The following INPP5A variants were observed in gnomAD, a reference collection of about 807,000 sequenced individuals.
INPP5A encodes 43 kDa inositol polyphosphate 5-phophatase.
INPP5A carries 14 observed loss-of-function variants against 65.2 expected under a neutral mutation model. That is an observed-to-expected ratio of 0.21 (90% CI 0.14 to 0.34). The LOEUF (loss-of-function observed/expected upper bound fraction) is 0.34, where lower values mean the gene tolerates loss of function less well. Among genes scored for constraint, INPP5A ranks in the 10% least tolerant of loss-of-function variants. INPP5A has a pLI of 1.00. For missense variants in INPP5A, 431 were observed against 545.6 expected (o/e 0.79, Z 2.09); for synonymous variants, 207 against 208.3 (o/e 0.99, Z 0.05).
chr10:132,548,400 G>A (rs2071006318), intron 1 of INPP5A, among the ~76,000 whole-genome samples: 1 of 152,144 alleles, frequency 6.6e-6, no homozygotes, highest in Non-Finnish European at 1.5e-5. Flanking sequence ...CCGGTGGCCC[G>A]GGAGTCGACT....
At chr10:132,657,580 C>A (rs555657386) in intron 4 of INPP5A, among the ~76,000 whole-genome samples, 166 of 151,340 alleles carry the variant, frequency 1.1e-3, no homozygotes, top group African/African-American at 3.8e-3. Context: ...CAGTACCCAG[C>A]GGTGGCCCAG....
intron 5 of INPP5A, among the ~76,000 whole-genome samples, chr10:132,693,234 A>G (rs1046379630): frequency 2.0e-5 from 3 of 152,250 alleles, no homozygotes; most frequent in Non-Finnish European, 4.4e-5. Flanking sequence ...CAGAGAAGGC[A>G]GATAAAGAAT....
intron 1 of INPP5A, among the ~76,000 whole-genome samples, chr10:132,561,676 G>C (rs777899744): frequency 7.9e-5 from 12 of 151,290 alleles, no homozygotes; most frequent in Non-Finnish European, 1.5e-4. Context: ...GACTATTCTG[G>C]TGTCCTTCCA....
chr10:132,773,017 G>A lies in INPP5A; in HGVS notation c.978-4654G>A, dbSNP rs540105922. On this transcript the variant is annotated intron_variant, in intron 12 of 15. Transcript: ENST00000368594. ...GCCGGGTTGCACAGGTGGAGAGGAC[G>A]CCCTGGGACTCCACAGGGTGCTGTT... 5.9e-5 allele frequency among the ~76,000 whole-genome samples: 9 copies of A among 152,356 alleles called. No homozygotes were observed. The South Asian group carries it at 1.2e-3, about 21-fold the overall frequency.
At position 132,556,468 on chromosome 10, in the gene INPP5A, TCA is replaced by T. The variant is rs370729874; in HGVS notation, c.75+18303_75+18304del. On this transcript the variant is annotated intron_variant, in intron 1 of 15. Transcript: ENST00000368594. ...CCAAGTTTCTGTACACACATGCACATCACACACTTGCACACCACAGGCACACA... is the reference window on the plus strand; with the variant it reads ...CCAAGTTTCTGTACACACATGCACATCACACTTGCACACCACAGGCACACA... Among the ~76,000 whole-genome samples, 23 of 152,242 alleles carry T rather than the reference TCA, an allele frequency of 1.5e-4. No homozygotes were observed. In the East Asian group the frequency reaches 4.3e-3, roughly 28 times the overall value.
At chr10:132,751,869 ATGGAGGCGGGTGCCTAGGAGGTGTCTGGG>A (rs747765681) in intron 11 of INPP5A, among the ~76,000 whole-genome samples, 19,461 of 58,730 alleles carry the variant, frequency 0.33, 1,861 homozygotes, top group Non-Finnish European at 0.39. Flanking sequence ...AGGTCTCTGG[ATGGAGGCGGGTGCCTAGGAGGTGTCTGGG>A]TGGAGGCGGG....
chr10:132,717,445 G>T (rs921385955), intron 8 of INPP5A, among the ~76,000 whole-genome samples: 2 of 151,552 alleles, frequency 1.3e-5, no homozygotes, highest in Non-Finnish European at 2.9e-5. Context: ...CACTTTGGGG[G>T]CTCTGCTAGC....
chr10:132,635,419 G>A (rs1403957778), intron 2 of INPP5A, among the ~76,000 whole-genome samples: 10 of 3,502 alleles, frequency 2.9e-3, no homozygotes, highest in African/African-American at 0.01. Context: ...TTTTTGAGAC[G>A]GAGTCTCGCT....
intron 1 of INPP5A, among the ~76,000 whole-genome samples, chr10:132,539,680 G>GCTCC (rs538466893): frequency 0.013 from 1,987 of 151,442 alleles, 36 homozygotes; most frequent in African/African-American, 0.044. Flanking sequence ...AGCCACGGAC[G>GCTCC]CTCCCTCCCT....
intron 8 of INPP5A, among the ~76,000 whole-genome samples, chr10:132,726,369 C>T (rs1443118227): frequency 6.6e-6 from 1 of 152,228 alleles, no homozygotes; most frequent in African/African-American, 2.4e-5. Context: ...CCATCTCCCT[C>T]CCGCTGTCGG....
intron 1 of INPP5A, among the ~76,000 whole-genome samples, chr10:132,578,199 C>A (rs1440378779): frequency 6.6e-6 from 1 of 152,092 alleles, no homozygotes; most frequent in Non-Finnish European, 1.5e-5. Context: ...AAAAATGAAC[C>A]CTCTCCTTTT....
chr10:132,641,556 C>T (rs546181358), intron 2 of INPP5A, among the ~76,000 whole-genome samples: 1 of 152,312 alleles, frequency 6.6e-6, no homozygotes, highest in East Asian at 1.9e-4. Flanking sequence ...TTTTCTGAGC[C>T]CAGTCTTTCA....
In INPP5A at chr10:132,581,697, T is replaced by C. The variant is rs2071486245; in HGVS notation, c.76-26218T>C. Among the ~76,000 whole-genome samples the C allele has an allele frequency of 2.0e-5, 3 of 152,364 alleles. No individual in the cohort carries two copies. The South Asian group carries it at 6.2e-4, about 32-fold the overall frequency. ...ATTCATGTATTTCTTTTGCAAAGTG[T>C]CTGTTCATATCTTTTGCCCATTTTT... On this transcript the variant is annotated intron_variant, in intron 1 of 15. Transcript: ENST00000368594.
rs2072581744 is a variant in INPP5A, at chr10:132,651,904, A to T, written c.306+1399A>T. Reference sequence around the variant, plus strand: ...CGCCCTGTCAAGCAGCTGCCCACACACAAGCGGCCTCTCCTCACGCTCTGT... The same window carrying T: ...CGCCCTGTCAAGCAGCTGCCCACACTCAAGCGGCCTCTCCTCACGCTCTGT... On this transcript the variant is annotated intron_variant, in intron 4 of 15. Transcript: ENST00000368594. This position sits in a 1 kb window ranked among gnomAD's most constrained non-coding sequence, Gnocchi z 5.0. Among the ~76,000 whole-genome samples, 1 of 152,154 alleles carries T rather than the reference A, an allele frequency of 6.6e-6. No individual in the cohort carries two copies. Among genetic ancestry groups the T allele is most frequent in the African/African-American group, 2.4e-5 (1 of 41,438 alleles).
chr10:132,654,328 C>T (rs1314546634), intron 4 of INPP5A, among the ~76,000 whole-genome samples: 1 of 152,236 alleles, frequency 6.6e-6, no homozygotes, highest in Non-Finnish European at 1.5e-5. Context: ...TGGTGGAGGG[C>T]AGCCTTGCCT....
At chr10:132,781,812 T>C (rs1847166919) in intron 14 of INPP5A, 49 bp from the exon 15 acceptor site, 1 of 1,474,882 alleles carries the variant, frequency 6.8e-7, no homozygotes, top group Non-Finnish European at 9.5e-7. Flanking sequence ...GCATGTGCTG[T>C]GCTGTCCCGC....
chr10:132,710,778 G>A (rs563756371), intron 8 of INPP5A, among the ~76,000 whole-genome samples: 2 of 144,058 alleles, frequency 1.4e-5, no homozygotes, highest in East Asian at 4.0e-4. Flanking sequence ...GGAGAGGTAG[G>A]TGTGCTGGGC....
rs185001176 is a variant in INPP5A at position 132,637,954 on chromosome 10, G to A, written c.118-7914G>A. 3.9e-5 allele frequency among the ~76,000 whole-genome samples: 6 copies of A among 152,064 alleles called. No individual in the cohort carries two copies. The highest frequency in any genetic ancestry group is 3.9e-4 in the Admixed American group (6 of 15,278). ...AGGGACTTCCTTTTGCTCATCTTTA[G>A]TGGGAGTATGGGGTTTGCAAGATTC... On this transcript the variant is annotated intron_variant, in intron 2 of 15. Coordinates refer to ENST00000368594, the MANE Select transcript of INPP5A (RefSeq NM_005539.5). The surrounding 1 kb of genome is among the most constrained non-coding windows in gnomAD (Gnocchi z 4.1).
chr10:132,757,987 A>G (rs1418410006), intron 11 of INPP5A, among the ~76,000 whole-genome samples: 219 of 83,368 alleles, frequency 2.6e-3, no homozygotes, highest in Non-Finnish European at 2.8e-3. Flanking sequence ...AGGCCAGTGC[A>G]ATGTTGTGGG....
Sources: allele counts gnomAD v4.1 joint callset (sites outside exome capture counted in the v4.1 genomes callset), GRCh38; gene constraint gnomAD v4.1.1; non-coding constraint Gnocchi (gnomAD v3.1); transcripts MANE v1.5; gene names NCBI Gene and HGNC (gene_info 2026-07-23, HGNC 2026-07-21).